Variants in MORC1 observed in about 807,000 individuals in gnomAD.
MORC1 encodes the protein MORC family CW-type zinc finger 1, also known as MORC family CW-type zinc finger protein 1.
In MORC1, 59 loss-of-function variants were observed where a neutral mutation model predicts 134.9. That is an observed-to-expected ratio of 0.44 (90% confidence interval 0.35 to 0.54). The LOEUF is 0.54. Among genes scored for constraint, MORC1 ranks in the 20% least tolerant of loss-of-function variants. The pLI is 0.00. For synonymous variants in MORC1, 395 were observed against 391.7 expected, an observed-to-expected ratio of 1.01 and a Z score of -0.10; for missense variants, 947 against 1,134.5, an observed-to-expected ratio of 0.83 and a Z score of 2.37.
At position 109,035,367 on chromosome 3, in the gene MORC1, T is replaced by G. The variant is rs3762697; in HGVS notation, c.1432A>C (p.Met478Leu). The change falls in exon 15 of 28, where the codon ATG (methionine) becomes CTG (leucine). Residue 478 changes from methionine (M) to leucine (L), a missense_variant. By Grantham distance (15) the Met-to-Leu change is conservative. Transcript: ENST00000232603. ...NSFQYQRRQAMGIPFIIQCDL... is the reference protein window; with the variant it reads ...NSFQYQRRQALGIPFIIQCDL... ...CATTGTATGATGAATGGGATACCCA[T>G]GGCTTGTCTTCTTTGATATTGAAAA... is the stretch of plus-strand genomic sequence containing the variant. 35 of 1,587,778 alleles carry G rather than the reference T, an allele frequency of 2.2e-5. No individual in the cohort carries two copies. Among genetic ancestry groups the G allele is most frequent in the African/African-American group, 5.4e-5 (4 of 73,586 alleles).
At chr3:109,094,840 TAC>T in intron 7 of MORC1, 67 bp downstream of exon 7, 1 of 1,402,776 alleles carries the variant, frequency 7.1e-7, no homozygotes. Context: ...AAAACATATG[TAC>T]AGTGTCTTTG....
intron 8 of MORC1, among the ~76,000 whole-genome samples, chr3:109,082,599 T>G (rs995030468): frequency 6.6e-6 from 1 of 151,956 alleles, no homozygotes; most frequent in Non-Finnish European, 1.5e-5. Flanking sequence ...AACTTAAAAA[T>G]CAAACAAATC....
At chr3:108,973,328 G>C (rs1156469446) in intron 24 of MORC1, among the ~76,000 whole-genome samples, 1 of 152,100 alleles carries the variant, frequency 6.6e-6, no homozygotes, top group African/African-American at 2.4e-5. Flanking sequence ...AATACCATGT[G>C]ATAAATGCTT....
intron 4 of MORC1, 53 bp from the exon 5 acceptor site, chr3:109,100,560 C>A: frequency 7.3e-7 from 1 of 1,374,932 alleles, no homozygotes; most frequent in South Asian, 1.2e-5. Flanking sequence ...TGACACTGGC[C>A]TGAGGCCCAG....
chr3:108,973,006 T>C (rs1408148314), intron 24 of MORC1, among the ~76,000 whole-genome samples: 1 of 152,230 alleles, frequency 6.6e-6, no homozygotes, highest in African/African-American at 2.4e-5. Flanking sequence ...CATCTCTATT[T>C]CAAAATCTAC....
intron 8 of MORC1, among the ~76,000 whole-genome samples, chr3:109,090,629 A>G (rs920416420): frequency 6.6e-6 from 1 of 151,470 alleles, no homozygotes; most frequent in Non-Finnish European, 1.5e-5. Flanking sequence ...TCAAAAAAAA[A>G]AAAAAAAAAA....
chr3:109,103,975 G>A, intron 3 of MORC1, 58 bp from the exon 4 acceptor site: 1 of 1,421,282 alleles, frequency 7.0e-7, no homozygotes, highest in Non-Finnish European at 9.9e-7. Flanking sequence ...TAGTCAGAAA[G>A]TCATGCTGCT....
chr3:108,971,270 C>A, intron 25 of MORC1, 60 bp downstream of exon 25: 1 of 1,479,078 alleles, frequency 6.8e-7, no homozygotes, highest in South Asian at 1.2e-5. Flanking sequence ...TTACATTTTT[C>A]TTCACTGAGA....
chr3:109,043,179 GGC>G (rs1949597328), intron 14 of MORC1, among the ~76,000 whole-genome samples: 1 of 26,622 alleles, frequency 3.8e-5, no homozygotes, highest in African/African-American at 1.2e-4. Flanking sequence ...AGCAAAATGT[GGC>G]AAAATGTGGG....
intron 17 of MORC1, among the ~76,000 whole-genome samples, chr3:109,015,400 C>T (rs916746531): frequency 6.6e-6 from 1 of 152,106 alleles, no homozygotes; most frequent in African/African-American, 2.4e-5. Flanking sequence ...TTAACTGTAT[C>T]TTTAGTAAAG....
intron 26 of MORC1, among the ~76,000 whole-genome samples, chr3:108,964,119 A>T (rs912951565): frequency 1.3e-5 from 2 of 152,022 alleles, no homozygotes; most frequent in African/African-American, 4.8e-5. Context: ...TCCTGTTCTC[A>T]CTCTCTTCGG....
In MORC1 at chr3:109,057,294, G is replaced by GT. The variant is rs763298910; in HGVS notation, c.1175+48dup. The GT allele has an allele frequency of 2.6e-6, 4 of 1,563,326 alleles. No homozygotes were observed. The African/African-American group carries it at 5.4e-5, about 21-fold the overall frequency. On this transcript the variant is annotated intron_variant, in intron 13 of 27. Coordinates refer to ENST00000232603, the MANE Select transcript of MORC1 (RefSeq NM_014429.4). ...CTCACTCCACAGACAGAATCTTACTGTAACATCCCTTTCTCTGCTTATATC... is the reference window on the plus strand; with the variant it reads ...CTCACTCCACAGACAGAATCTTACTGTTAACATCCCTTTCTCTGCTTATATC...
At chr3:109,045,895 G>A (rs1949684183) in intron 14 of MORC1, among the ~76,000 whole-genome samples, 1 of 152,080 alleles carries the variant, frequency 6.6e-6, no homozygotes, top group African/African-American at 2.4e-5. Context: ...CATTTGACAT[G>A]GCCATGTAGC....
At chr3:109,116,976 T>G (rs370070030) in intron 1 of MORC1, among the ~76,000 whole-genome samples, 12 of 152,164 alleles carry the variant, frequency 7.9e-5, no homozygotes, top group African/African-American at 2.4e-4. Flanking sequence ...CATATAAAAC[T>G]GAGGCTGAGG....
intron 16 of MORC1, among the ~76,000 whole-genome samples, chr3:109,030,352 T>C (rs1949212441): frequency 1.3e-5 from 2 of 152,206 alleles, no homozygotes; most frequent in Admixed American, 6.5e-5. Flanking sequence ...TGGCCCATCC[T>C]ACCATTTTGA....
At chr3:109,026,531 T>C (rs1425000050) in intron 17 of MORC1, among the ~76,000 whole-genome samples, 1 of 152,248 alleles carries the variant, frequency 6.6e-6, no homozygotes, top group African/African-American at 2.4e-5. Context: ...TGGGGTTGGC[T>C]ATCACTGCTA....
At chr3:109,102,554 C>T (rs80245733) in intron 4 of MORC1, among the ~76,000 whole-genome samples, 5 of 152,244 alleles carry the variant, frequency 3.3e-5, no homozygotes, top group East Asian at 3.9e-4. Context: ...GTTTGAACAA[C>T]GGATAGATTC....
chr3:109,097,657 G>A (rs1311846554), intron 6 of MORC1, among the ~76,000 whole-genome samples: 3 of 152,130 alleles, frequency 2.0e-5, no homozygotes, highest in African/African-American at 2.4e-5. Context: ...GGACTGAGAG[G>A]ACAGCACTTT....
At chr3:109,077,219 C>T (rs867668913) in intron 8 of MORC1, among the ~76,000 whole-genome samples, 4 of 152,168 alleles carry the variant, frequency 2.6e-5, no homozygotes, top group African/African-American at 7.2e-5. Flanking sequence ...AAGCTTCCAA[C>T]AGACTCTGAA....
Sources: gnomAD v4.1 joint callset for allele counts (sites outside exome capture counted in the v4.1 genomes callset) on GRCh38, gnomAD v4.1.1 for gene constraint, MANE v1.5 for transcripts, NCBI Gene and HGNC (gene_info 2026-07-23, HGNC 2026-07-21) for gene names.